The following TAFA2 variants were observed in gnomAD, a reference collection of about 807,000 sequenced individuals.
TAFA2 encodes TAFA chemokine like family member 2.
In TAFA2, 7 loss-of-function variants were observed where a neutral mutation model predicts 18.8. That is an observed-to-expected ratio of 0.37 (90% CI 0.21 to 0.70). TAFA2 has a LOEUF of 0.70. Ranked by LOEUF, TAFA2 falls within the 30% of genes least tolerant of loss-of-function variation. The pLI, the probability that TAFA2 is intolerant of heterozygous loss-of-function variation, is 0.53. For synonymous variants in TAFA2, 60 were observed against 54.2 expected (o/e 1.11, Z -0.47); for missense variants, 122 against 158.1 (o/e 0.77, Z 1.23).
intron 1 of TAFA2, among the ~76,000 whole-genome samples, chr12:61,912,867 T>C (rs1018378307): frequency 8.5e-5 from 13 of 152,186 alleles, no homozygotes; most frequent in Non-Finnish European, 1.9e-4. Context: ...TTAGTTAGCT[T>C]GTGTAAGAGC....
chr12:61,760,516 T>C (rs1322704126), intron 2 of TAFA2, among the ~76,000 whole-genome samples: 1 of 151,730 alleles, frequency 6.6e-6, no homozygotes, highest in Non-Finnish European at 1.5e-5. Context: ...AGTCTTGTTA[T>C]GATAACCAAA....
intron 1 of TAFA2, among the ~76,000 whole-genome samples, chr12:61,970,659 C>A (rs1048941802): frequency 6.6e-6 from 1 of 150,660 alleles, no homozygotes; most frequent in Non-Finnish European, 1.5e-5. Flanking sequence ...AACAGAAGAA[C>A]TGTTTTTAGA....
intron 1 of TAFA2, among the ~76,000 whole-genome samples, chr12:62,104,315 T>G (rs1456350475): frequency 6.6e-6 from 1 of 151,980 alleles, no homozygotes; most frequent in African/African-American, 2.4e-5. Context: ...TTTTTCTTTT[T>G]ACATAATATT....
chr12:61,783,653 A>G (rs985593106), intron 2 of TAFA2, among the ~76,000 whole-genome samples: 4 of 151,628 alleles, frequency 2.6e-5, no homozygotes, highest in Non-Finnish European at 4.4e-5. Flanking sequence ...AGAAAAGGAT[A>G]GTGAGCAAGA....
At chr12:61,872,220 G>A (rs1172234495) in intron 1 of TAFA2, among the ~76,000 whole-genome samples, 1 of 152,128 alleles carries the variant, frequency 6.6e-6, no homozygotes, top group East Asian at 1.9e-4. Flanking sequence ...GTATAAAAAA[G>A]ATAAAAGTGG....
In TAFA2 at chr12:62,021,431, C is replaced by T. The variant is rs1243701140; in HGVS notation, c.-1-154005G>A. 5 of 595,394 alleles carry T rather than the reference C, an allele frequency of 8.4e-6. No homozygotes were observed. The African/African-American group carries it at 9.3e-5, about 11-fold the overall frequency. The allele number at this position is 595,394 out of a possible 1,614,324, so 36.9% of individuals were successfully genotyped here. A position where few individuals can be genotyped will look rare whatever the true frequency, so the allele number is the denominator to read the frequency against. On this transcript the variant is annotated intron_variant, in intron 1 of 4. Coordinates refer to ENST00000416284, the MANE Select transcript of TAFA2 (RefSeq NM_178539.5). ...TTTGTAGTCTTTTATCCCTCACCCCCTCCCACCCTTTCCCCCAAGACCCCA... is the reference window on the plus strand; with the variant it reads ...TTTGTAGTCTTTTATCCCTCACCCCTTCCCACCCTTTCCCCCAAGACCCCA...
At chr12:61,755,352 G>C (rs1027855561) in intron 2 of TAFA2, among the ~76,000 whole-genome samples, 3 of 152,050 alleles carry the variant, frequency 2.0e-5, no homozygotes, top group African/African-American at 7.2e-5. Flanking sequence ...TTTGTTCAAT[G>C]CATTAATCAA....
chr12:61,778,485 T>A (rs1870365904), intron 2 of TAFA2, among the ~76,000 whole-genome samples: 1 of 151,776 alleles, frequency 6.6e-6, no homozygotes, highest in Non-Finnish European at 1.5e-5. Flanking sequence ...CACCTCCCTC[T>A]CACCCTAGCT....
At chr12:62,079,353 T>A (rs1190907362) in intron 1 of TAFA2, among the ~76,000 whole-genome samples, 1 of 152,030 alleles carries the variant, frequency 6.6e-6, no homozygotes, top group Non-Finnish European at 1.5e-5. Flanking sequence ...CACTGTGGCT[T>A]GATAAAAGTT....
chr12:62,034,046 G>C (rs1448286921), intron 1 of TAFA2, among the ~76,000 whole-genome samples: 1 of 152,160 alleles, frequency 6.6e-6, no homozygotes, highest in African/African-American at 2.4e-5. Flanking sequence ...ATGCACAAGA[G>C]AGAAAGAGGT....
At chr12:61,822,431 A>C (rs1872358977) in intron 2 of TAFA2, among the ~76,000 whole-genome samples, 1 of 152,182 alleles carries the variant, frequency 6.6e-6, no homozygotes, top group Non-Finnish European at 1.5e-5. Context: ...CCAATCTACT[A>C]AAAGTTCAAA....
intron 1 of TAFA2, among the ~76,000 whole-genome samples, chr12:62,257,509 G>A (rs2136998340): frequency 6.6e-6 from 1 of 152,218 alleles, no homozygotes; most frequent in South Asian, 2.1e-4. Context: ...AGTAAGCAGA[G>A]AGGTTTGGAA....
chr12:62,214,299 T>C (rs1317223867), intron 1 of TAFA2, among the ~76,000 whole-genome samples: 2 of 152,154 alleles, frequency 1.3e-5, no homozygotes, highest in African/African-American at 4.8e-5. Flanking sequence ...GTTTTCATGA[T>C]AGGGAATAAG....
At chr12:62,248,115 A>C (rs2062895576) in intron 1 of TAFA2, among the ~76,000 whole-genome samples, 1 of 152,230 alleles carries the variant, frequency 6.6e-6, no homozygotes, top group Non-Finnish European at 1.5e-5. Flanking sequence ...CGGTCCTTTC[A>C]ACAGGCTTCC....
intron 1 of TAFA2, among the ~76,000 whole-genome samples, chr12:62,044,957 T>C (rs982486779): frequency 3.9e-5 from 6 of 152,100 alleles, no homozygotes; most frequent in Non-Finnish European, 5.9e-5. Context: ...CCTTGGGCCC[T>C]TGGAAAATCA....
chr12:62,124,218 T>C (rs1870352355), intron 1 of TAFA2, among the ~76,000 whole-genome samples: 1 of 152,178 alleles, frequency 6.6e-6, no homozygotes, highest in African/African-American at 2.4e-5. Flanking sequence ...AGCTCTGGAT[T>C]ACATATGTAT....
intron 1 of TAFA2, among the ~76,000 whole-genome samples, chr12:61,991,011 G>A (rs928292315): frequency 3.9e-5 from 6 of 152,172 alleles, no homozygotes; most frequent in African/African-American, 1.2e-4. Context: ...AATTAACTGT[G>A]CATGGGGCTA....
intron 1 of TAFA2, among the ~76,000 whole-genome samples, chr12:62,246,135 C>T (rs889529999): frequency 2.6e-5 from 4 of 152,060 alleles, no homozygotes; most frequent in African/African-American, 7.2e-5. Context: ...TACAGGCGCC[C>T]GCCACAATGC....
At chr12:61,798,228 C>A (rs1325882572) in intron 2 of TAFA2, among the ~76,000 whole-genome samples, 1 of 152,148 alleles carries the variant, frequency 6.6e-6, no homozygotes, top group African/African-American at 2.4e-5. Flanking sequence ...GCTAATGCAT[C>A]ATGACCTATA....
Sources: gnomAD v4.1 joint callset for allele counts (sites outside exome capture counted in the v4.1 genomes callset) on GRCh38, gnomAD v4.1.1 for gene constraint, MANE v1.5 for transcripts, NCBI Gene and HGNC (gene_info 2026-07-23, HGNC 2026-07-21) for gene names.